EPHB1: variants seen among roughly 807,000 people sequenced by gnomAD.
EPHB1 encodes the protein EPH receptor B1, also known as ephrin type-B receptor 1.
In EPHB1, 30 loss-of-function variants were observed where a neutral mutation model predicts 94.4. That is an observed-to-expected ratio of 0.32 (90% confidence interval 0.24 to 0.43). The LOEUF (loss-of-function observed/expected upper bound fraction) is 0.43. Ranked by LOEUF, EPHB1 falls within the 20% of genes least tolerant of loss-of-function variation. The pLI, the probability that EPHB1 is intolerant of heterozygous loss-of-function variation, is 1.00. For synonymous variants in EPHB1, 522 were observed against 489.1 expected, an observed-to-expected ratio of 1.07 and a Z score of -0.89; for missense variants, 1,055 against 1,308.3, an observed-to-expected ratio of 0.81 and a Z score of 2.99.
At chr3:134,827,363 GCA>G (rs61002729) in intron 1 of EPHB1, among the ~76,000 whole-genome samples, 71,215 of 150,590 alleles carry the variant, frequency 0.47, 17,590 homozygotes, top group Non-Finnish European at 0.56. Context: ...GGGTGCGCGT[GCA>G]CACACACACA....
chr3:134,823,012 C>T (rs1319335583), intron 1 of EPHB1, among the ~76,000 whole-genome samples: 6 of 152,106 alleles, frequency 3.9e-5, no homozygotes, highest in Admixed American at 1.3e-4. Flanking sequence ...GGAGTTGTTG[C>T]GAGGGGTACA....
chr3:135,036,123 G>C (rs1307466810), intron 3 of EPHB1, among the ~76,000 whole-genome samples: 2 of 152,326 alleles, frequency 1.3e-5, no homozygotes, highest in East Asian at 3.9e-4. Flanking sequence ...AGGACAGAGA[G>C]GTAAGAAGCC....
intron 3 of EPHB1, among the ~76,000 whole-genome samples, chr3:134,992,390 A>G (rs568689161): frequency 3.6e-4 from 55 of 152,296 alleles, no homozygotes; most frequent in Admixed American, 2.1e-3. Flanking sequence ...CGCAAAGGAC[A>G]CATGCTGGTC....
intron 1 of EPHB1, among the ~76,000 whole-genome samples, chr3:134,803,894 G>A (rs1274145559): frequency 2.0e-5 from 3 of 152,112 alleles, no homozygotes; most frequent in African/African-American, 7.2e-5. Flanking sequence ...AGACAGTCCT[G>A]CTCTGGTGTC....
intron 11 of EPHB1, among the ~76,000 whole-genome samples, chr3:135,196,084 A>C (rs1482589304): frequency 6.7e-6 from 1 of 150,016 alleles, no homozygotes; most frequent in Non-Finnish European, 1.5e-5. Flanking sequence ...TCTGATGGCC[A>C]GTGATGATGA....
At chr3:134,924,023 T>C (rs1301810721) in intron 1 of EPHB1, among the ~76,000 whole-genome samples, 1 of 152,236 alleles carries the variant, frequency 6.6e-6, no homozygotes, top group Non-Finnish European at 1.5e-5. Context: ...CACCATCACC[T>C]GCCCATATAG....
At chr3:134,975,184 G>C (rs1027990610) in intron 3 of EPHB1, among the ~76,000 whole-genome samples, 6 of 152,090 alleles carry the variant, frequency 3.9e-5, no homozygotes, top group African/African-American at 1.4e-4. Flanking sequence ...TTGTTCTATT[G>C]AGTTAGGGAG....
At chr3:135,258,871 C>A (rs1933528755) in intron 15 of EPHB1, 141 bp from the exon 16 acceptor site, 1 of 688,510 alleles carries the variant, frequency 1.5e-6, no homozygotes. Context: ...TGGAAGTTTG[C>A]CAAAAATTTG....
chr3:135,098,263 T>C (rs192285493), intron 3 of EPHB1, among the ~76,000 whole-genome samples: 30 of 152,312 alleles, frequency 2.0e-4, no homozygotes, highest in Non-Finnish European at 1.6e-4. Flanking sequence ...TACAAAACAT[T>C]GATAAAGTAC....
At chr3:135,101,803 TAA>T (rs909746412) in intron 3 of EPHB1, among the ~76,000 whole-genome samples, 14 of 152,210 alleles carry the variant, frequency 9.2e-5, no homozygotes, top group African/African-American at 3.4e-4. Context: ...ACTTCTTTTA[TAA>T]AGTTTCTTGT....
intron 1 of EPHB1, among the ~76,000 whole-genome samples, chr3:134,876,082 A>G (rs1026687086): frequency 3.9e-5 from 6 of 152,158 alleles, no homozygotes; most frequent in Non-Finnish European, 8.8e-5. Flanking sequence ...ATCCTCCAGC[A>G]TGTGGTCTAG....
intron 3 of EPHB1, among the ~76,000 whole-genome samples, chr3:135,097,002 A>G (rs1043575911): frequency 4.6e-5 from 7 of 150,834 alleles, no homozygotes; most frequent in Non-Finnish European, 1.0e-4. Context: ...AGGCTGAGGC[A>G]GGAGTATCGC....
At chr3:135,116,014 G>T (rs1939687788) in intron 4 of EPHB1, among the ~76,000 whole-genome samples, 1 of 152,116 alleles carries the variant, frequency 6.6e-6, no homozygotes, top group South Asian at 2.1e-4. Context: ...AAGAGATTGA[G>T]ACCATCCTGG....
At chr3:134,921,054 C>T (rs865819215) in intron 1 of EPHB1, among the ~76,000 whole-genome samples, 3 of 152,120 alleles carry the variant, frequency 2.0e-5, no homozygotes, top group Admixed American at 2.0e-4. Context: ...TGGCTCTATG[C>T]TAGGTTTCTT....
At chr3:135,073,173 G>A (rs573172989) in intron 3 of EPHB1, among the ~76,000 whole-genome samples, 1 of 151,256 alleles carries the variant, frequency 6.6e-6, no homozygotes, top group African/African-American at 2.4e-5. Flanking sequence ...TATTTTCTTA[G>A]TACTCTGGGG....
intron 4 of EPHB1, among the ~76,000 whole-genome samples, chr3:135,131,941 T>C (rs1940433469): frequency 6.6e-6 from 1 of 152,220 alleles, no homozygotes; most frequent in African/African-American, 2.4e-5. Flanking sequence ...GCCAGCCTCC[T>C]TTCTAAGCTT....
intron 3 of EPHB1, among the ~76,000 whole-genome samples, chr3:135,004,004 A>G (rs1431109718): frequency 1.3e-5 from 2 of 150,322 alleles, no homozygotes; most frequent in Non-Finnish European, 3.0e-5. Context: ...TGTCATTATG[A>G]TGTTAGCTGG....
chr3:135,130,441 G>A (rs976716077), intron 4 of EPHB1, among the ~76,000 whole-genome samples: 3 of 152,204 alleles, frequency 2.0e-5, no homozygotes, highest in African/African-American at 7.2e-5. Flanking sequence ...GCTGAGCAGG[G>A]AGAGAGGAAA....
chr3:135,194,140 T>A (rs1350919675), intron 11 of EPHB1, among the ~76,000 whole-genome samples: 2 of 152,286 alleles, frequency 1.3e-5, no homozygotes, highest in East Asian at 3.9e-4. Flanking sequence ...TCCAACGTAG[T>A]GACAGGCCCA....
Sources: allele counts gnomAD v4.1 joint callset (sites outside exome capture counted in the v4.1 genomes callset), GRCh38; gene constraint gnomAD v4.1.1; transcripts MANE v1.5; gene names NCBI Gene and HGNC (gene_info 2026-07-23, HGNC 2026-07-21).